Variants in EIF4G3 observed in about 807,000 individuals in gnomAD.
EIF4G3 encodes eIF-4-gamma 3.
A neutral mutation model predicts 186.4 loss-of-function variants in EIF4G3; 34 were observed. The observed-to-expected ratio is 0.18, with a 90% CI of 0.14 to 0.24. The LOEUF is 0.24. Among genes scored for constraint, EIF4G3 ranks in the 10% least tolerant of loss-of-function variants. The probability of loss-of-function intolerance (pLI) is 1.00; values close to 1 mark genes in which losing one functional copy is unlikely to be tolerated. For synonymous variants in EIF4G3, 673 were observed against 679.5 expected, an observed-to-expected ratio of 0.99 and a Z score of 0.15; for missense variants, 1,536 against 1,948.5, an observed-to-expected ratio of 0.79 and a Z score of 3.99.
At chr1:21,063,717 T>C (rs76179450) in intron 3 of EIF4G3, among the ~76,000 whole-genome samples, 2 of 13,634 alleles carry the variant, frequency 1.5e-4, no homozygotes, top group South Asian at 3.5e-3. Flanking sequence ...GGGGGGGGGG[T>C]GTTGGGGGGG....
chr1:21,044,583 C>T (rs1034423802), intron 4 of EIF4G3, among the ~76,000 whole-genome samples: 1 of 141,882 alleles, frequency 7.0e-6, no homozygotes, highest in African/African-American at 2.7e-5. Context: ...CAAAAGGTAA[C>T]AAAAAGAAAA....
intron 3 of EIF4G3, among the ~76,000 whole-genome samples, chr1:21,065,204 A>G (rs1433715289): frequency 6.6e-6 from 1 of 152,114 alleles, no homozygotes; most frequent in Non-Finnish European, 1.5e-5. Context: ...TCAAAACCAC[A>G]ATATTAAGTT....
intron 14 of EIF4G3, among the ~76,000 whole-genome samples, chr1:20,905,766 G>C (rs1451274513): frequency 6.6e-6 from 1 of 152,168 alleles, no homozygotes; most frequent in African/African-American, 2.4e-5. Context: ...GGCAACTTAT[G>C]AATCAATAGA....
chr1:20,867,203 TGA>T (rs1345660096), intron 20 of EIF4G3, among the ~76,000 whole-genome samples: 3 of 152,222 alleles, frequency 2.0e-5, no homozygotes, highest in Non-Finnish European at 4.4e-5. Flanking sequence ...GAGGGCAGCT[TGA>T]GCATTCAGCA....
At chr1:21,118,474 T>C (rs1333064890) in intron 2 of EIF4G3, among the ~76,000 whole-genome samples, 2 of 152,140 alleles carry the variant, frequency 1.3e-5, no homozygotes, top group Non-Finnish European at 2.9e-5. Flanking sequence ...AGGCTCATTC[T>C]CTAGTATTAA....
intron 2 of EIF4G3, among the ~76,000 whole-genome samples, chr1:21,114,348 T>C (rs1355798513): frequency 6.6e-6 from 1 of 152,148 alleles, no homozygotes; most frequent in Non-Finnish European, 1.5e-5. Context: ...GGTTTCACCA[T>C]GTTGGCCAGG....
At chr1:21,076,706 A>C (rs1333991429) in intron 3 of EIF4G3, among the ~76,000 whole-genome samples, 1 of 152,176 alleles carries the variant, frequency 6.6e-6, no homozygotes, top group Non-Finnish European at 1.5e-5. Flanking sequence ...CAGTCTCCTC[A>C]ATCAACAGTG....
At chr1:21,167,153 T>C (rs755059389) in intron 2 of EIF4G3, among the ~76,000 whole-genome samples, 1 of 152,160 alleles carries the variant, frequency 6.6e-6, no homozygotes, top group Non-Finnish European at 1.5e-5. Context: ...AGGAATCATC[T>C]CATTTAACCT....
chr1:21,015,157 A>C (rs1213594172), intron 4 of EIF4G3, among the ~76,000 whole-genome samples: 1 of 152,186 alleles, frequency 6.6e-6, no homozygotes, highest in African/African-American at 2.4e-5. Context: ...GAAGAGTACA[A>C]AAGCAGTCTC....
intron 4 of EIF4G3, among the ~76,000 whole-genome samples, chr1:21,022,532 C>T (rs2090984913): frequency 6.6e-6 from 1 of 152,206 alleles, no homozygotes; most frequent in South Asian, 2.1e-4. Context: ...ATTTCTACCT[C>T]ACCACAACAT....
intron 2 of EIF4G3, among the ~76,000 whole-genome samples, chr1:21,127,928 G>A (rs1336700113): frequency 6.6e-6 from 1 of 152,158 alleles, no homozygotes; most frequent in Non-Finnish European, 1.5e-5. Context: ...CAGTGGGCAG[G>A]GCACGGTGGC....
At chr1:20,868,287 A>C (rs1018278830) in intron 20 of EIF4G3, among the ~76,000 whole-genome samples, 2 of 151,684 alleles carry the variant, frequency 1.3e-5, no homozygotes, top group Non-Finnish European at 2.9e-5. Context: ...AAACAATGGA[A>C]GTTTATTTCT....
At chr1:21,022,452 A>G (rs775016072) in intron 4 of EIF4G3, among the ~76,000 whole-genome samples, 21 of 152,330 alleles carry the variant, frequency 1.4e-4, no homozygotes, top group Non-Finnish European at 2.1e-4. Flanking sequence ...ATCATATGAG[A>G]CAGGTTCAGA....
At chr1:20,957,855 A>T (rs1009341150) in intron 12 of EIF4G3, among the ~76,000 whole-genome samples, 7 of 152,192 alleles carry the variant, frequency 4.6e-5, no homozygotes, top group African/African-American at 1.7e-4. Flanking sequence ...CAGAGGAAAG[A>T]CAAACCCTGA....
chr1:20,927,070 G>A (rs959295423), intron 14 of EIF4G3, among the ~76,000 whole-genome samples: 1 of 149,858 alleles, frequency 6.7e-6, no homozygotes, highest in Admixed American at 6.6e-5. Flanking sequence ...TTTTGAGGTG[G>A]AGTCTCACTG....
chr1:20,933,481 C>A (rs895126380), intron 14 of EIF4G3, among the ~76,000 whole-genome samples: 1 of 152,038 alleles, frequency 6.6e-6, no homozygotes, highest in Non-Finnish European at 1.5e-5. Flanking sequence ...ATGGTGAAAT[C>A]CTGTCTCTAC....
At chr1:20,947,168 A>G (rs1430418727) in intron 13 of EIF4G3, among the ~76,000 whole-genome samples, 1 of 152,050 alleles carries the variant, frequency 6.6e-6, no homozygotes, top group African/African-American at 2.4e-5. Context: ...ACAACATGGC[A>G]AAACCTCGCC....
At chr1:21,047,809 A>G (rs1014446326) in intron 4 of EIF4G3, among the ~76,000 whole-genome samples, 2 of 152,152 alleles carry the variant, frequency 1.3e-5, no homozygotes, top group Non-Finnish European at 2.9e-5. Context: ...AAAAAACTTG[A>G]GTTTCCCATG....
chr1:21,176,608 G>T, intron 1 of EIF4G3, 114 bp downstream of exon 1: 1 of 199,706 alleles, frequency 5.0e-6, no homozygotes, highest in Non-Finnish European at 9.9e-6. Flanking sequence ...CGCCGCCGCC[G>T]CCGGCAGCAG....
Sources: allele counts gnomAD v4.1 joint callset (sites outside exome capture counted in the v4.1 genomes callset), GRCh38; gene constraint gnomAD v4.1.1; transcripts MANE v1.5; gene names NCBI Gene and HGNC (gene_info 2026-07-23, HGNC 2026-07-21).